DIAPH2: variants seen among roughly 807,000 people sequenced by gnomAD.
DIAPH2 encodes diaphanous related formin 2.
DIAPH2 carries 35 observed loss-of-function variants against 92.7 expected under a neutral mutation model. The observed-to-expected ratio is 0.38, with a 90% confidence interval of 0.29 to 0.50. The LOEUF (loss-of-function observed/expected upper bound fraction) is 0.50, where lower values mean the gene tolerates loss of function less well. DIAPH2 is among the 20% of genes least tolerant of loss of function. The probability of loss-of-function intolerance (pLI) is 0.94; values close to 1 mark genes in which losing one functional copy is unlikely to be tolerated. For synonymous variants in DIAPH2, 301 were observed against 280.4 expected (o/e 1.07, Z -0.73); for missense variants, 701 against 819.5 (o/e 0.86, Z 1.77).
Position 97,348,144 on chromosome X carries a change from A to G in DIAPH2, c.2873A>G (p.Tyr958Cys). Residue 958 changes from tyrosine (Y) to cysteine (C), a missense_variant, in exon 24 of 27, where the codon TAT becomes TGT. This residue lies in a region of DIAPH2 where 536 missense variants were observed against 599.3 expected (regional missense o/e 0.89). Transcript: ENST00000324765. Reference protein sequence around the residue: ...TSFTKTAREQYEKLSTMHNNM... With the variant: ...TSFTKTAREQCEKLSTMHNNM... ...TTTACAAAGACTGCCCGAGAACAGT[A>G]TGAAAAACTCTCCACCATGCACAAC... 1 of 1,211,736 alleles carries G rather than the reference A, an allele frequency of 8.3e-7. No homozygotes were observed. Among genetic ancestry groups the G allele is most frequent in the Non-Finnish European group, 1.1e-6 (1 of 895,402 alleles).
chrX:96,881,469 T>G, intron 4 of DIAPH2, 110 bp from the exon 5 acceptor site: 1 of 624,922 alleles, frequency 1.6e-6, no homozygotes, highest in Non-Finnish European at 2.4e-6. Context: ...TTTTTAAGTG[T>G]GTAGCACTCT....
chrX:97,250,107 CAAAA>C (rs2068176666), intron 23 of DIAPH2, among the ~76,000 whole-genome samples: 1 of 110,609 alleles, frequency 9.0e-6, no homozygotes, highest in Admixed American at 9.6e-5. Flanking sequence ...CAAAAAAAAA[CAAAA>C]AACAACAAAA....
chrX:96,940,789 G>A (rs2065699366), intron 12 of DIAPH2, among the ~76,000 whole-genome samples: 1 of 111,621 alleles, frequency 9.0e-6, no homozygotes, highest in Admixed American at 9.5e-5. Context: ...AAGGGGTACT[G>A]TGCCCAAAGG....
At chrX:97,007,179 T>C (rs1269512078) in intron 17 of DIAPH2, among the ~76,000 whole-genome samples, 1 of 112,036 alleles carries the variant, frequency 8.9e-6, no homozygotes, top group Admixed American at 9.4e-5. Context: ...GTTCATCTTT[T>C]AGTGTTTCTA....
At chrX:96,795,091 T>A (rs1350292238) in intron 4 of DIAPH2, among the ~76,000 whole-genome samples, 1 of 112,087 alleles carries the variant, frequency 8.9e-6, no homozygotes, top group Non-Finnish European at 1.9e-5. Flanking sequence ...CCAAGAAAAG[T>A]CACATTCACA....
intron 18 of DIAPH2, among the ~76,000 whole-genome samples, chrX:97,073,810 C>T (rs2066685535): frequency 8.9e-6 from 1 of 112,325 alleles, no homozygotes; most frequent in Non-Finnish European, 1.9e-5. Context: ...ACATCATTCT[C>T]ATGTCAGTAG....
chrX:96,920,026 A>G (rs1392530206), intron 9 of DIAPH2, among the ~76,000 whole-genome samples: 3 of 110,192 alleles, frequency 2.7e-5, no homozygotes, highest in African/African-American at 6.6e-5. Flanking sequence ...GATTACAGGC[A>G]TGCACCACCA....
intron 9 of DIAPH2, among the ~76,000 whole-genome samples, chrX:96,926,020 A>G (rs911477951): frequency 2.7e-4 from 30 of 111,767 alleles, no homozygotes; most frequent in African/African-American, 9.1e-4. Context: ...GTTAATGTCA[A>G]CAGAGTACTT....
intron 23 of DIAPH2, among the ~76,000 whole-genome samples, chrX:97,296,934 C>T (rs2068648554): frequency 9.1e-6 from 1 of 110,262 alleles, no homozygotes; most frequent in Non-Finnish European, 1.9e-5. Context: ...TGCGCCACCA[C>T]GCCCGGCTAA....
At chrX:96,899,249 T>C (rs998644584) in intron 5 of DIAPH2, among the ~76,000 whole-genome samples, 6 of 108,868 alleles carry the variant, frequency 5.5e-5, no homozygotes, top group Non-Finnish European at 7.7e-5. Context: ...AGTAGTTTTT[T>C]CCAATCCTGT....
intron 17 of DIAPH2, among the ~76,000 whole-genome samples, chrX:96,976,691 C>T (rs1461006405): frequency 9.0e-6 from 1 of 110,712 alleles, no homozygotes; most frequent in Non-Finnish European, 1.9e-5. Context: ...AAGAGAGTAT[C>T]TTCTGCCTTC....
chrX:96,785,081 ATTG>A (rs1224375886), intron 4 of DIAPH2, among the ~76,000 whole-genome samples: 6 of 111,811 alleles, frequency 5.4e-5, no homozygotes, highest in Non-Finnish European at 1.1e-4. Context: ...AGCCATTGCT[ATTG>A]TTGTTGTTAG....
chrX:96,928,555 C>A (rs775109811), intron 9 of DIAPH2, among the ~76,000 whole-genome samples: 8 of 111,086 alleles, frequency 7.2e-5, no homozygotes, highest in Non-Finnish European at 1.3e-4. Flanking sequence ...ATTTAGATGA[C>A]CTTTTTGTTT....
chrX:97,490,528 A>T (rs554035442), intron 26 of DIAPH2, among the ~76,000 whole-genome samples: 1 of 108,144 alleles, frequency 9.2e-6, no homozygotes, highest in South Asian at 4.0e-4. Flanking sequence ...TACTTTTTTA[A>T]TGTAGGCATT....
chrX:96,756,911 C>CTTTT (rs1172916942), intron 3 of DIAPH2, among the ~76,000 whole-genome samples: 25 of 58,795 alleles, frequency 4.3e-4, no homozygotes, highest in Non-Finnish European at 6.3e-4. Context: ...ATTTATATAT[C>CTTTT]TTTTTTTTTT....
chrX:96,890,531 A>C (rs909700886), intron 5 of DIAPH2, among the ~76,000 whole-genome samples: 1 of 111,695 alleles, frequency 9.0e-6, no homozygotes, highest in Non-Finnish European at 1.9e-5. Context: ...CCTGGTGTTC[A>C]TTAGAACCCA....
In DIAPH2 at chrX:96,942,147, T is replaced by TA. The variant is rs1569431834; in HGVS notation, c.1444+13dup. On this transcript the variant is annotated intron_variant, in intron 13 of 26. Coordinates refer to ENST00000324765, the MANE Select transcript of DIAPH2 (RefSeq NM_006729.5). Reference sequence around the variant, plus strand: ...TAACTCATCTGATAGGTATGTATCATAATCCTCATTGTCCTCTGATTGTGT... The same window carrying TA: ...TAACTCATCTGATAGGTATGTATCATAAATCCTCATTGTCCTCTGATTGTGT... 7.1e-6 allele frequency: 7 copies of TA among 979,942 alleles called. No individual in the cohort carries two copies. The highest frequency in any genetic ancestry group is 1.0e-5 in the Non-Finnish European group (7 of 688,252). 80.8% of individuals were successfully genotyped at this position (979,942 alleles called of 1,213,427 possible).
intron 25 of DIAPH2, among the ~76,000 whole-genome samples, chrX:97,406,612 G>C (rs924505557): frequency 4.5e-5 from 5 of 111,861 alleles, no homozygotes; most frequent in Non-Finnish European, 7.5e-5. Flanking sequence ...AGTATAAGTA[G>C]TGTATTCCTT....
At chrX:97,457,344 T>C (rs767007624) in intron 26 of DIAPH2, among the ~76,000 whole-genome samples, 18 of 112,853 alleles carry the variant, frequency 1.6e-4, no homozygotes, top group African/African-American at 5.5e-4. Flanking sequence ...TTAGTATGAA[T>C]TGGAAACCAA....
Sources: allele counts gnomAD v4.1 joint callset (sites outside exome capture counted in the v4.1 genomes callset), GRCh38; gene constraint gnomAD v4.1.1; regional missense constraint gnomAD v4.1.1; transcripts MANE v1.5; gene names NCBI Gene and HGNC (gene_info 2026-07-23, HGNC 2026-07-21).